The following RGL1 variants were observed in gnomAD, a reference collection of about 807,000 sequenced individuals.
RGL1 encodes the protein ral guanine nucleotide dissociation stimulator like 1.
In RGL1, 24 loss-of-function variants were observed where a neutral mutation model predicts 95.2. The observed-to-expected ratio is 0.25, with a 90% CI of 0.18 to 0.35. The LOEUF is 0.35. Ranked by LOEUF, RGL1 falls within the 10% of genes least tolerant of loss-of-function variation. RGL1 has a pLI of 1.00. For synonymous variants in RGL1, 329 were observed against 344.9 expected, an observed-to-expected ratio of 0.95 and a Z score of 0.51; for missense variants, 715 against 936.3, an observed-to-expected ratio of 0.76 and a Z score of 3.08.
chr1:183,654,132 T>C (rs529800774), intron 1 of RGL1, among the ~76,000 whole-genome samples: 45 of 152,340 alleles, frequency 3.0e-4, no homozygotes, highest in South Asian at 2.5e-3. Context: ...CTGTTTCCAC[T>C]GTCAGACTTC....
At chr1:183,806,328 G>A (rs774105112) in intron 1 of RGL1, 47 bp from the exon 2 acceptor site, 20 of 1,471,458 alleles carry the variant, frequency 1.4e-5, no homozygotes, top group East Asian at 2.3e-5. Flanking sequence ...GGTTAGCAGA[G>A]AGGAAAAAAA....
chr1:183,686,785 T>TC lies in RGL1; in HGVS notation c.-33+50290dup, dbSNP rs542011112. Among the ~76,000 whole-genome samples, 624 of 152,002 alleles carry TC rather than the reference T, an allele frequency of 4.1e-3. 8 individuals carry two copies. The highest frequency in any genetic ancestry group is 6.9e-3 in the Non-Finnish European group (469 of 67,932). ...CAAATTTGTATCTTTAGCCCTGCCT[T>TC]CCCCCCTGAGCATCAGACTTGTATA... On this transcript the variant is annotated intron_variant, in intron 1 of 18. Transcript: ENST00000304685.
chr1:183,714,976 CTA>C (rs898553686), intron 1 of RGL1, among the ~76,000 whole-genome samples: 7 of 152,064 alleles, frequency 4.6e-5, no homozygotes, highest in African/African-American at 9.7e-5. Flanking sequence ...CATTGCCATG[CTA>C]TATATATTTT....
intron 2 of RGL1, among the ~76,000 whole-genome samples, chr1:183,829,257 T>C (rs7522656): frequency 6.6e-6 from 1 of 151,912 alleles, no homozygotes; most frequent in African/African-American, 2.4e-5. Flanking sequence ...CTGGGCAATA[T>C]AGTGAGACCT....
intron 1 of RGL1, among the ~76,000 whole-genome samples, chr1:183,728,237 A>G (rs1054254118): frequency 6.6e-6 from 1 of 152,158 alleles, no homozygotes; most frequent in African/African-American, 2.4e-5. Flanking sequence ...AGTAGAATTT[A>G]CATTGTTGGT....
chr1:183,765,341 A>G (rs1178999889), intron 2 of RGL1, among the ~76,000 whole-genome samples: 7 of 152,240 alleles, frequency 4.6e-5, no homozygotes, highest in African/African-American at 9.6e-5. Flanking sequence ...ACCACATTGC[A>G]ATGAATTAAG....
At chr1:183,668,976 C>T (rs182167638) in intron 1 of RGL1, among the ~76,000 whole-genome samples, 51 of 126,388 alleles carry the variant, frequency 4.0e-4, no homozygotes, top group Non-Finnish European at 5.4e-4. Flanking sequence ...CTCACTCTGT[C>T]GCCAGGCTGG....
chr1:183,643,261 T>TG (rs75530835), intron 1 of RGL1, among the ~76,000 whole-genome samples: 35,820 of 127,782 alleles, frequency 0.28, 4,459 homozygotes, highest in Middle Eastern at 0.34. Flanking sequence ...AGGTCCTGTT[T>TG]TTTTATTTAT....
At chr1:183,862,178 C>CA (rs1665551283) in intron 3 of RGL1, among the ~76,000 whole-genome samples, 1 of 151,936 alleles carries the variant, frequency 6.6e-6, no homozygotes, top group African/African-American at 2.4e-5. Flanking sequence ...CTCGTCTCTA[C>CA]AAAAAATAAA....
chr1:183,834,723 C>G (rs1663515884), intron 2 of RGL1, among the ~76,000 whole-genome samples: 1 of 152,102 alleles, frequency 6.6e-6, no homozygotes, highest in African/African-American at 2.4e-5. Flanking sequence ...GGGACTTGGT[C>G]TGTTGCCCAG....
At chr1:183,711,253 C>G (rs1310635003) in intron 1 of RGL1, among the ~76,000 whole-genome samples, 1 of 152,234 alleles carries the variant, frequency 6.6e-6, no homozygotes, top group Non-Finnish European at 1.5e-5. Context: ...TTCCAACCAA[C>G]TCTTCAGTGA....
intron 1 of RGL1, among the ~76,000 whole-genome samples, chr1:183,707,465 C>T (rs1654990424): frequency 6.6e-6 from 1 of 152,150 alleles, no homozygotes; most frequent in Non-Finnish European, 1.5e-5. Context: ...GGCACTCTAG[C>T]ACAGGCGCTG....
intron 2 of RGL1, among the ~76,000 whole-genome samples, chr1:183,766,019 C>T (rs1658941617): frequency 6.6e-6 from 1 of 151,660 alleles, no homozygotes; most frequent in Non-Finnish European, 1.5e-5. Flanking sequence ...CAACATGGCA[C>T]ATGTATACAT....
upstream of RGL1, among the ~76,000 whole-genome samples, chr1:183,800,607 T>C (rs144850629): frequency 2.1e-3 from 317 of 152,346 alleles, 4 homozygotes; most frequent in African/African-American, 7.2e-3. Flanking sequence ...CTAGAACTTA[T>C]TCATCTTGCA....
chr1:183,775,932 A>G (rs1398525179), intron 2 of RGL1, among the ~76,000 whole-genome samples: 1 of 152,164 alleles, frequency 6.6e-6, no homozygotes, highest in African/African-American at 2.4e-5. Context: ...GTGCTTTTCT[A>G]TGTCTTTAAC....
intron 1 of RGL1, among the ~76,000 whole-genome samples, chr1:183,643,446 C>T (rs1376008249): frequency 6.6e-6 from 1 of 151,994 alleles, no homozygotes; most frequent in Non-Finnish European, 1.5e-5. Context: ...TGCATGCCAC[C>T]ATGCCTGGCT....
intron 1 of RGL1, among the ~76,000 whole-genome samples, chr1:183,734,969 C>T (rs7530552): frequency 0.47 from 70,677 of 151,988 alleles, 17,370 homozygotes; most frequent in East Asian, 0.8. Context: ...TTGTGTTGGC[C>T]CTCTGTGCCG....
At chr1:183,662,848 T>C (rs1245712259) in intron 1 of RGL1, among the ~76,000 whole-genome samples, 1 of 152,136 alleles carries the variant, frequency 6.6e-6, no homozygotes, top group Non-Finnish European at 1.5e-5. Context: ...AGCATGGTAC[T>C]GGTACCAAAA....
rs1417246854 is a variant in RGL1, at chr1:183,927,031, A to G, written c.*739A>G. Reference sequence around the variant, plus strand: ...CATCATGACACCTCTGGAGGTGTCAAGCTCCTGAAACAAGCTCATTTCAGT... The same window carrying G: ...CATCATGACACCTCTGGAGGTGTCAGGCTCCTGAAACAAGCTCATTTCAGT... On this transcript the variant is annotated 3_prime_UTR_variant, in exon 18 of 18. Transcript: ENST00000360851. The G allele has an allele frequency of 6.6e-6, 1 of 152,634 alleles. No individual in the cohort carries two copies. The highest frequency in any genetic ancestry group is 2.4e-5 in the African/African-American group (1 of 41,446). The allele number at this position is 152,634 out of a possible 1,614,324, so 9.5% of individuals were successfully genotyped here.
Sources: allele counts gnomAD v4.1 joint callset (sites outside exome capture counted in the v4.1 genomes callset), GRCh38; gene constraint gnomAD v4.1.1; transcripts MANE v1.5; gene names NCBI Gene and HGNC (gene_info 2026-07-23, HGNC 2026-07-21).